PPM1H: variants seen among roughly 807,000 people sequenced by gnomAD.
The protein encoded by PPM1H is protein phosphatase, Mg2+/Mn2+ dependent 1H, also known as protein phosphatase 1H.
Under a neutral mutation model 54.9 loss-of-function variants are expected in PPM1H, and 27 were observed. The ratio of observed to expected loss-of-function variants is 0.49; its 90% CI spans 0.36 to 0.68. PPM1H has a LOEUF of 0.68. Among genes scored for constraint, PPM1H ranks in the 30% least tolerant of loss-of-function variants. PPM1H has a pLI of 0.00. For synonymous variants in PPM1H, 305 were observed against 270.8 expected (o/e 1.13, Z -1.24); for missense variants, 596 against 667.8 (o/e 0.89, Z 1.19).
At chr12:62,695,892 G>A (rs557153537) in intron 6 of PPM1H, among the ~76,000 whole-genome samples, 1 of 152,300 alleles carries the variant, frequency 6.6e-6, no homozygotes, top group African/African-American at 2.4e-5. Context: ...CCCATGTGGA[G>A]AGTGAGGAGA....
intron 1 of PPM1H, among the ~76,000 whole-genome samples, chr12:62,832,733 C>T (rs377431061): frequency 6.6e-6 from 1 of 152,144 alleles, no homozygotes; most frequent in Non-Finnish European, 1.5e-5. Context: ...TACAGCATGT[C>T]GTAAAAATCC....
At chr12:62,692,004 T>C (rs1344594921) in intron 7 of PPM1H, among the ~76,000 whole-genome samples, 1 of 152,184 alleles carries the variant, frequency 6.6e-6, no homozygotes, top group Non-Finnish European at 1.5e-5. Context: ...AGAAATCTGA[T>C]GTTTCTGCTA....
At chr12:62,786,694 T>C (rs1393191577) in intron 4 of PPM1H, among the ~76,000 whole-genome samples, 2 of 152,224 alleles carry the variant, frequency 1.3e-5, no homozygotes, top group Non-Finnish European at 2.9e-5. Context: ...TCATTCACAG[T>C]TGACCCATCT....
chr12:62,686,273 TC>T (rs2076051184), intron 8 of PPM1H, among the ~76,000 whole-genome samples: 1 of 152,230 alleles, frequency 6.6e-6, no homozygotes, highest in Admixed American at 6.5e-5. Flanking sequence ...CAGAGCACTC[TC>T]CTTCAAGCCA....
At chr12:62,828,229 T>C (rs1868311389) in intron 2 of PPM1H, among the ~76,000 whole-genome samples, 1 of 152,176 alleles carries the variant, frequency 6.6e-6, no homozygotes, top group Non-Finnish European at 1.5e-5. Flanking sequence ...ATTATAGAAG[T>C]GGAAGCCAAA....
intron 4 of PPM1H, among the ~76,000 whole-genome samples, chr12:62,751,754 C>G (rs1365843291): frequency 4.6e-5 from 7 of 152,190 alleles, no homozygotes; most frequent in Non-Finnish European, 1.0e-4. Context: ...ACAATGAGAT[C>G]TAGACTGTAT....
At chr12:62,802,549 C>T (rs1038081009) in intron 2 of PPM1H, among the ~76,000 whole-genome samples, 1 of 146,578 alleles carries the variant, frequency 6.8e-6, no homozygotes, top group African/African-American at 2.5e-5. Flanking sequence ...AGCTTGAACA[C>T]CTAACTCCTT....
At chr12:62,735,502 G>C (rs2076345255) in intron 5 of PPM1H, among the ~76,000 whole-genome samples, 1 of 152,176 alleles carries the variant, frequency 6.6e-6, no homozygotes, top group South Asian at 2.1e-4. Context: ...ACAGGCATGA[G>C]CCACCGTGCC....
chr12:62,876,432 A>G (rs1870171859), intron 1 of PPM1H, among the ~76,000 whole-genome samples: 1 of 152,246 alleles, frequency 6.6e-6, no homozygotes, highest in Non-Finnish European at 1.5e-5. Context: ...CCATTTGTTA[A>G]TGATGCATTC....
intron 3 of PPM1H, among the ~76,000 whole-genome samples, chr12:62,792,472 A>T (rs1319886110): frequency 6.6e-6 from 1 of 152,260 alleles, no homozygotes; most frequent in African/African-American, 2.4e-5. Flanking sequence ...CTTTGCTAAC[A>T]TGTGCATGCG....
intron 4 of PPM1H, among the ~76,000 whole-genome samples, chr12:62,783,697 C>A (rs1402647710): frequency 2.6e-5 from 4 of 152,198 alleles, no homozygotes; most frequent in Non-Finnish European, 5.9e-5. Context: ...GTATTTAATA[C>A]GTGCCTTGCA....
chr12:62,759,683 A>G (rs1019288705), intron 4 of PPM1H, among the ~76,000 whole-genome samples: 3 of 152,118 alleles, frequency 2.0e-5, no homozygotes, highest in Non-Finnish European at 4.4e-5. Flanking sequence ...CTGGGGGGCA[A>G]GCACCCCTGA....
rs549299599 is a variant in PPM1H at position 62,796,373 on chromosome 12, G to A, written c.756+5443C>T. On this transcript the variant is annotated intron_variant, in intron 3 of 9. Transcript: ENST00000228705. ...CTCCCACTTCTGATGCCAGTCGCAAGCCCCAGGTTGGTTTACCTGTGCTTC... is the reference window on the plus strand; with the variant it reads ...CTCCCACTTCTGATGCCAGTCGCAAACCCCAGGTTGGTTTACCTGTGCTTC... 2.6e-5 allele frequency among the ~76,000 whole-genome samples: 4 copies of A among 152,204 alleles called. No homozygotes were observed. In the South Asian group the frequency reaches 8.3e-4, roughly 31 times the overall value.
At chr12:62,660,671 C>T (rs947124592) in intron 9 of PPM1H, among the ~76,000 whole-genome samples, 1 of 152,082 alleles carries the variant, frequency 6.6e-6, no homozygotes, top group African/African-American at 2.4e-5. Flanking sequence ...CTGTCTCTCA[C>T]CATATACAAA....
chr12:62,898,592 G>A (rs765060036), intron 1 of PPM1H, among the ~76,000 whole-genome samples: 25 of 152,168 alleles, frequency 1.6e-4, no homozygotes, highest in Non-Finnish European at 2.9e-5. Context: ...GTTGTCACGT[G>A]TTGCTAAGAG....
chr12:62,916,685 A>G (rs530021353), intron 1 of PPM1H, among the ~76,000 whole-genome samples: 1 of 152,322 alleles, frequency 6.6e-6, no homozygotes, highest in South Asian at 2.1e-4. Flanking sequence ...TTGTACTTAA[A>G]TCAGAAGAAC....
chr12:62,806,028 A>T (rs1311920724), intron 2 of PPM1H, among the ~76,000 whole-genome samples: 2 of 152,214 alleles, frequency 1.3e-5, no homozygotes, highest in Non-Finnish European at 2.9e-5. Flanking sequence ...AAAAAATGTA[A>T]CTAGAGGGGT....
chr12:62,875,728 G>C (rs1870144993), intron 1 of PPM1H, among the ~76,000 whole-genome samples: 1 of 152,128 alleles, frequency 6.6e-6, no homozygotes, highest in South Asian at 2.1e-4. Context: ...TTATAAAAGA[G>C]CACTGGGCTG....
rs1374425590 is a variant in PPM1H, at chr12:62,844,516, T to C, written c.246-12237A>G. Among the ~76,000 whole-genome samples the C allele has an allele frequency of 1.3e-5, 2 of 152,204 alleles. No individual in the cohort carries two copies. Among genetic ancestry groups the C allele is most frequent in the African/African-American group, 4.8e-5 (2 of 41,442 alleles). On this transcript the variant is annotated intron_variant, in intron 1 of 9. Transcript: ENST00000228705. This position sits in a 1 kb window ranked among gnomAD's most constrained non-coding sequence, Gnocchi z 5.2. ...AAGATAACTTAAAGTTCCAACAGCT[T>C]TAAGTTTGGATTATTTAATTTCACA...
Sources: allele counts gnomAD v4.1 joint callset (sites outside exome capture counted in the v4.1 genomes callset), GRCh38; gene constraint gnomAD v4.1.1; non-coding constraint Gnocchi (gnomAD v3.1); transcripts MANE v1.5; gene names NCBI Gene and HGNC (gene_info 2026-07-23, HGNC 2026-07-21).